Variants in EXT2 observed in about 807,000 individuals in gnomAD.
The protein encoded by EXT2 is exostosin-2.
EXT2 carries 53 observed loss-of-function variants against 81.6 expected under a neutral mutation model. The observed-to-expected ratio is 0.65, with a 90% CI of 0.52 to 0.82. The LOEUF (loss-of-function observed/expected upper bound fraction) is 0.82. EXT2 is among the 40% of genes least tolerant of loss of function. EXT2 has a pLI of 0.00. For missense variants in EXT2, 774 were observed against 910.2 expected, an observed-to-expected ratio of 0.85 and a Z score of 1.93; for synonymous variants, 320 against 340.0, an observed-to-expected ratio of 0.94 and a Z score of 0.65.
intron 8 of EXT2, among the ~76,000 whole-genome samples, chr11:44,194,988 TGAA>T (rs1327813054): frequency 6.6e-6 from 1 of 152,034 alleles, no homozygotes; most frequent in Non-Finnish European, 1.5e-5. Flanking sequence ...CAGGAAGAGA[TGAA>T]GAATAAAATT....
intron 8 of EXT2, chr11:44,172,007 T>C (rs1285142128): frequency 2.0e-6 from 1 of 499,000 alleles, no homozygotes; most frequent in African/African-American, 1.9e-5. Flanking sequence ...GAGGCATGGG[T>C]CTTGTTGGAA....
At position 44,247,698 on chromosome 11, in the gene EXT2, A is replaced by G. The variant is rs1956107634; in HGVS notation, c.*3411A>G. 6.6e-6 allele frequency among the ~76,000 whole-genome samples: 1 copy of G among 152,192 alleles called. No homozygotes were observed. Among genetic ancestry groups the G allele is most frequent in the Non-Finnish European group, 1.5e-5 (1 of 68,034 alleles). On this transcript the variant is annotated 3_prime_UTR_variant, in exon 14 of 14. Coordinates refer to ENST00000533608, the MANE Select transcript of EXT2 (RefSeq NM_207122.2). ...CTGCCTTTGGAAAATAGTGACCATC[A>G]TGCTGGTCTGTGCTGACGCAGACTG...
At chr11:44,135,022 T>C (rs1158931108) in intron 7 of EXT2, among the ~76,000 whole-genome samples, 2 of 152,236 alleles carry the variant, frequency 1.3e-5, no homozygotes, top group African/African-American at 4.8e-5. Flanking sequence ...AAACCAAATA[T>C]TGGTGCTGCA....
intron 10 of EXT2, among the ~76,000 whole-genome samples, chr11:44,229,112 T>A (rs568609295): frequency 1.3e-5 from 2 of 152,114 alleles, no homozygotes; most frequent in Non-Finnish European, 2.9e-5. Context: ...TTTAACCCCA[T>A]GAATCAGTGA....
intron 7 of EXT2, among the ~76,000 whole-genome samples, chr11:44,157,539 A>G (rs561977367): frequency 2.0e-5 from 3 of 152,202 alleles, no homozygotes; most frequent in Admixed American, 6.5e-5. Flanking sequence ...CAGCCTGGCC[A>G]CTGGCTGATG....
intron 7 of EXT2, among the ~76,000 whole-genome samples, chr11:44,134,252 A>T (rs749520579): frequency 1.5e-4 from 23 of 152,230 alleles, no homozygotes; most frequent in Non-Finnish European, 3.2e-4. Context: ...ATGATTAACT[A>T]GTTAATTTAT....
chr11:44,144,359 C>A, intron 7 of EXT2: 1 of 1,584,270 alleles, frequency 6.3e-7, no homozygotes, highest in Non-Finnish European at 8.6e-7. Flanking sequence ...ACTTAGAAAA[C>A]CGGGCCCAGC....
chr11:44,241,276 T>C (rs1956034078), intron 13 of EXT2, among the ~76,000 whole-genome samples: 1 of 152,158 alleles, frequency 6.6e-6, no homozygotes, highest in Non-Finnish European at 1.5e-5. Context: ...CAGTATTGAC[T>C]TAAAAAAAAG....
chr11:44,153,136 C>T lies in EXT2; in HGVS notation c.1174-18475C>T, dbSNP rs148032017. On this transcript the variant is annotated intron_variant, in intron 7 of 13. Transcript: ENST00000533608. ...AACCGACATCTTGACAATATTGAGT[C>T]CTCCCAGCTAGGAATATAGAATAGC... is the stretch of plus-strand genomic sequence containing the variant. Among the ~76,000 whole-genome samples, 6 of 152,274 alleles carry T rather than the reference C, an allele frequency of 3.9e-5. No homozygotes were observed. In the East Asian group the frequency reaches 1.2e-3, roughly 29 times the overall value.
At chr11:44,201,969 G>T (rs1955526947) in intron 9 of EXT2, among the ~76,000 whole-genome samples, 1 of 152,190 alleles carries the variant, frequency 6.6e-6, no homozygotes, top group Non-Finnish European at 1.5e-5. Flanking sequence ...TTTCATGGAG[G>T]CCATTTAATT....
chr11:44,119,718 T>A (rs1006812870), intron 4 of EXT2, among the ~76,000 whole-genome samples: 2 of 152,236 alleles, frequency 1.3e-5, no homozygotes, highest in African/African-American at 4.8e-5. Flanking sequence ...ACCAAACTTA[T>A]AAGCAAGCCT....
At chr11:44,152,343 GGTTGTTGTT>G (rs550068887) in intron 7 of EXT2, among the ~76,000 whole-genome samples, 2 of 151,772 alleles carry the variant, frequency 1.3e-5, no homozygotes, top group Admixed American at 6.6e-5. Context: ...AGTTTTATAG[GGTTGTTGTT>G]GTTGTTGTTG....
intron 1 of EXT2, among the ~76,000 whole-genome samples, chr11:44,099,181 T>G (rs1357870469): frequency 6.6e-6 from 1 of 151,828 alleles, no homozygotes; most frequent in Non-Finnish European, 1.5e-5. Context: ...TTTGGGTTTT[T>G]TTTTGTTTGT....
At chr11:44,232,581 C>A in intron 11 of EXT2, 85 bp downstream of exon 11, 1 of 1,539,006 alleles carries the variant, frequency 6.5e-7, no homozygotes, top group South Asian at 1.2e-5. Context: ...TTCATACCTG[C>A]CAAGAGGGCT....
rs1318672010 is a variant in EXT2, at chr11:44,247,736, G to C, written c.*3449G>C. Reference sequence around the variant, plus strand: ...CTGACGCAGACTGGGAGCTGGAAGAGACAAGCTCCCTCTTTGCTCTCATTG... The same window carrying C: ...CTGACGCAGACTGGGAGCTGGAAGACACAAGCTCCCTCTTTGCTCTCATTG... On this transcript the variant is annotated 3_prime_UTR_variant, in exon 14 of 14. Coordinates refer to ENST00000533608, the MANE Select transcript of EXT2 (RefSeq NM_207122.2). Among the ~76,000 whole-genome samples the C allele has an allele frequency of 6.6e-6, 1 of 152,218 alleles. No individual in the cohort carries two copies. The highest frequency in any genetic ancestry group is 2.4e-5 in the African/African-American group (1 of 41,452).
intron 7 of EXT2, among the ~76,000 whole-genome samples, chr11:44,165,250 A>C (rs1248598906): frequency 6.6e-6 from 1 of 152,164 alleles, no homozygotes; most frequent in African/African-American, 2.4e-5. Flanking sequence ...ACTTATTTGC[A>C]TTTGCTCTCT....
intron 1 of EXT2, among the ~76,000 whole-genome samples, chr11:44,106,518 T>A (rs1275728618): frequency 6.6e-6 from 1 of 152,218 alleles, no homozygotes; most frequent in Non-Finnish European, 1.5e-5. Context: ...TGCCTTTTGT[T>A]ATAGCTTTGT....
intron 9 of EXT2, among the ~76,000 whole-genome samples, chr11:44,199,375 A>AT (rs1411692593): frequency 6.6e-6 from 1 of 152,236 alleles, no homozygotes; most frequent in Non-Finnish European, 1.5e-5. Context: ...AGTGAAGTGA[A>AT]TTGGATGGTA....
At chr11:44,166,651 A>C (rs953718983) in intron 7 of EXT2, among the ~76,000 whole-genome samples, 1 of 152,246 alleles carries the variant, frequency 6.6e-6, no homozygotes, top group Non-Finnish European at 1.5e-5. Flanking sequence ...CAGAGTAAGC[A>C]CATCTAGACT....
Sources: gnomAD v4.1 joint callset for allele counts (sites outside exome capture counted in the v4.1 genomes callset) on GRCh38, gnomAD v4.1.1 for gene constraint, MANE v1.5 for transcripts, NCBI Gene and HGNC (gene_info 2026-07-23, HGNC 2026-07-21) for gene names.